The following NXPE3 variants were observed in gnomAD, a reference collection of about 807,000 sequenced individuals.
NXPE3 encodes the protein NXPE family member 3.
A neutral mutation model predicts 46.1 loss-of-function variants in NXPE3; 26 were observed. The ratio of observed to expected loss-of-function variants is 0.56; its 90% confidence interval spans 0.41 to 0.78. The LOEUF (loss-of-function observed/expected upper bound fraction) is 0.78. Among genes scored for constraint, NXPE3 ranks in the 30% least tolerant of loss-of-function variants. The probability of loss-of-function intolerance (pLI) is 0.00; values close to 1 mark genes in which losing one functional copy is unlikely to be tolerated. For missense variants in NXPE3, 620 were observed against 686.0 expected (o/e 0.90, Z 1.07); for synonymous variants, 272 against 257.9 (o/e 1.05, Z -0.52).
intron 5 of NXPE3, among the ~76,000 whole-genome samples, chr3:101,804,005 G>A (rs555867747): frequency 6.6e-6 from 1 of 152,178 alleles, no homozygotes; most frequent in Non-Finnish European, 1.5e-5. Flanking sequence ...TTTGATACAA[G>A]CATATAATAT....
In NXPE3 at chr3:101,825,077, G is replaced by A. The variant is rs1408922051; in HGVS notation, c.*3123G>A. ...AGGTAAACTTACGTCATGGGGGTTTGTTGTATAGATGATTTCATCACCCAG... is the reference window on the plus strand; with the variant it reads ...AGGTAAACTTACGTCATGGGGGTTTATTGTATAGATGATTTCATCACCCAG... On this transcript the variant is annotated 3_prime_UTR_variant, in exon 8 of 8. Coordinates refer to ENST00000273347, the MANE Select transcript of NXPE3 (RefSeq NM_145037.4). The A allele has an allele frequency of 6.6e-6, 1 of 152,108 alleles. No individual in the cohort carries two copies. The highest frequency in any genetic ancestry group is 1.5e-5 in the Non-Finnish European group (1 of 68,012). 9.4% of individuals were successfully genotyped at this position (152,108 alleles called of 1,614,324 possible). A position where few individuals can be genotyped will look rare whatever the true frequency, so the allele number is the denominator to read the frequency against.
chr3:101,813,907 A>T (rs988589485), intron 6 of NXPE3, among the ~76,000 whole-genome samples: 9 of 152,162 alleles, frequency 5.9e-5, no homozygotes, highest in African/African-American at 1.9e-4. Flanking sequence ...GTCCCAGTTG[A>T]CCATAAGGGG....
intron 1 of NXPE3, chr3:101,781,852 T>C (rs1304200171): frequency 6.6e-6 from 1 of 152,230 alleles, no homozygotes; most frequent in Admixed American, 6.5e-5. Flanking sequence ...TTTTCACTTA[T>C]ATCGCTGTTT....
intron 4 of NXPE3, among the ~76,000 whole-genome samples, chr3:101,795,043 C>CTTA (rs1284934860): frequency 6.6e-6 from 1 of 152,160 alleles, no homozygotes; most frequent in East Asian, 1.9e-4. Context: ...TTTTAAGCTA[C>CTTA]TTATTACTGT....
Position 101,816,783 on chromosome 3 carries a change from T to G in NXPE3, c.923-12T>G. 1.3e-6 allele frequency: 2 copies of G among 1,591,810 alleles called. No individual in the cohort carries two copies. Among genetic ancestry groups the G allele is most frequent in the Non-Finnish European group, 1.7e-6 (2 of 1,166,754 alleles). On this transcript the variant is annotated splice_polypyrimidine_tract_variant and intron_variant, in intron 6 of 7. Transcript: ENST00000273347. The stretch of plus-strand genomic sequence containing the variant: ...GAATATTAAAATATTTGTTTTTCTT[T>G]TTTCTTTGCAGAAACTAACAGTCTA...
intron 7 of NXPE3, among the ~76,000 whole-genome samples, chr3:101,818,833 T>C (rs1942117039): frequency 7.2e-6 from 1 of 139,750 alleles, no homozygotes; most frequent in African/African-American, 2.7e-5. Context: ...TGGTGTGATC[T>C]CTACTCACTA....
chr3:101,783,133 C>T (rs549771517), intron 3 of NXPE3, among the ~76,000 whole-genome samples: 28 of 152,274 alleles, frequency 1.8e-4, no homozygotes, highest in Non-Finnish European at 2.9e-4. Flanking sequence ...GTGATCTCCG[C>T]TCACTGCAAG....
At chr3:101,811,294 G>A (rs1464790687) in intron 6 of NXPE3, among the ~76,000 whole-genome samples, 2 of 152,160 alleles carry the variant, frequency 1.3e-5, no homozygotes, top group African/African-American at 4.8e-5. Context: ...TTGTGGTGAT[G>A]TGTTACACAG....
Position 101,827,033 on chromosome 3 carries a change from CAATAAATA to C in NXPE3, c.*5094_*5101del, listed in dbSNP as rs911016648. 5 of 151,678 alleles carry C rather than the reference CAATAAATA, an allele frequency of 3.3e-5. No homozygotes were observed. The highest frequency in any genetic ancestry group is 2.0e-4 in the Admixed American group (3 of 15,228). The allele number at this position is 151,678 out of a possible 1,614,324, so 9.4% of individuals were successfully genotyped here. A position where few individuals can be genotyped will look rare whatever the true frequency, so the allele number is the denominator to read the frequency against. On this transcript the variant is annotated 3_prime_UTR_variant, in exon 8 of 8. Transcript: ENST00000273347. ...GGGCAACGAGAGTGAAACTCTGTCT[CAATAAATA>C]AATAAATAAATAAAAAATAAAAAAG...
intron 1 of NXPE3, chr3:101,780,077 A>G (rs1326734080): frequency 6.6e-6 from 1 of 152,182 alleles, no homozygotes; most frequent in Non-Finnish European, 1.5e-5. Flanking sequence ...TATTTACATT[A>G]AAGGGGGATT....
At position 101,826,147 on chromosome 3, in the gene NXPE3, A is replaced by G. The variant is rs1006945101; in HGVS notation, c.*4193A>G. On this transcript the variant is annotated 3_prime_UTR_variant, in exon 8 of 8. Coordinates refer to ENST00000273347, the MANE Select transcript of NXPE3 (RefSeq NM_145037.4). ...TTCACATTTATCAATCTGAAAACTT[A>G]GTTTGCAGATTGGTAAATCAGGGTA... is the stretch of plus-strand genomic sequence containing the variant. The G allele has an allele frequency of 1.3e-5, 2 of 152,162 alleles. No homozygotes were observed. Among genetic ancestry groups the G allele is most frequent in the African/African-American group, 4.8e-5 (2 of 41,426 alleles). 9.4% of individuals were successfully genotyped at this position (152,162 alleles called of 1,614,324 possible).
Position 101,785,732 on chromosome 3 carries a change from C to G in NXPE3, c.93+43C>G, listed in dbSNP as rs774166741. 2.0e-6 allele frequency: 3 copies of G among 1,494,854 alleles called. No homozygotes were observed. In the East Asian group the frequency reaches 6.8e-5, roughly 34 times the overall value. The allele number at this position is 1,494,854 out of a possible 1,614,324, so 92.6% of individuals were successfully genotyped here. A position where few individuals can be genotyped will look rare whatever the true frequency, so the allele number is the denominator to read the frequency against. ...TCCCTCATAACTAAGGGAGCCGAGT[C>G]TGGGGATCTGGGGCTAACTAGCCTG... On this transcript the variant is annotated intron_variant, in intron 4 of 7. Coordinates refer to ENST00000273347, the MANE Select transcript of NXPE3 (RefSeq NM_145037.4).
chr3:101,804,058 G>A (rs1941296721), intron 5 of NXPE3, among the ~76,000 whole-genome samples: 1 of 152,170 alleles, frequency 6.6e-6, no homozygotes, highest in Non-Finnish European at 1.5e-5. Flanking sequence ...ATTGCCTAAA[G>A]CATTTATCAT....
chr3:101,805,498 A>C (rs1299552267), intron 5 of NXPE3, among the ~76,000 whole-genome samples: 2 of 151,126 alleles, frequency 1.3e-5, no homozygotes, highest in African/African-American at 4.9e-5. Context: ...CAGTGATCTC[A>C]GCTCACTGTA....
At chr3:101,799,246 T>C (rs547818559) in intron 4 of NXPE3, among the ~76,000 whole-genome samples, 8 of 152,312 alleles carry the variant, frequency 5.3e-5, no homozygotes, top group African/African-American at 1.7e-4. Flanking sequence ...GATCTACTAC[T>C]GTTAACATAA....
intron 3 of NXPE3, among the ~76,000 whole-genome samples, chr3:101,783,597 T>C (rs1366181685): frequency 6.6e-6 from 1 of 152,226 alleles, no homozygotes; most frequent in African/African-American, 2.4e-5. Context: ...CCTTGCCTTC[T>C]TTCTGCATCA....
intron 4 of NXPE3, among the ~76,000 whole-genome samples, chr3:101,794,013 CT>C (rs1215706994): frequency 6.6e-6 from 1 of 152,054 alleles, no homozygotes; most frequent in African/African-American, 2.4e-5. Context: ...AAGGACAGTC[CT>C]TGGGCTCATC....
chr3:101,813,935 A>G (rs1431596328), intron 6 of NXPE3, among the ~76,000 whole-genome samples: 1 of 152,192 alleles, frequency 6.6e-6, no homozygotes, highest in African/African-American at 2.4e-5. Flanking sequence ...AGGTATGTGC[A>G]TTTCATTTAA....
chr3:101,812,811 C>CAAAAAAAAAAAAAAAAAAAAAAAAAAAA (rs57029374), intron 6 of NXPE3, among the ~76,000 whole-genome samples: 1 of 58,708 alleles, frequency 1.7e-5, no homozygotes, highest in Non-Finnish European at 3.0e-5. Context: ...GACTCCGTCT[C>CAAAAAAAAAAAAAAAAAAAAAAAAAAAA]AAAAAAAAAA....
Sources: gnomAD v4.1 joint callset for allele counts (sites outside exome capture counted in the v4.1 genomes callset) on GRCh38, gnomAD v4.1.1 for gene constraint, MANE v1.5 for transcripts, NCBI Gene and HGNC (gene_info 2026-07-23, HGNC 2026-07-21) for gene names.